The following MTMR11 variants were observed in gnomAD, a reference collection of about 807,000 sequenced individuals.
MTMR11 encodes the protein myotubularin-related protein 11.
A neutral mutation model predicts 100.0 loss-of-function variants in MTMR11; 89 were observed. The observed-to-expected ratio is 0.89, with a 90% CI of 0.75 to 1.06. The LOEUF is 1.06. MTMR11 is among the 50% of genes least tolerant of loss of function. The probability of loss-of-function intolerance (pLI) is 0.00; values close to 1 mark genes in which losing one functional copy is unlikely to be tolerated. For missense variants in MTMR11, 809 were observed against 873.7 expected (o/e 0.93, Z 0.93); for synonymous variants, 336 against 326.3 (o/e 1.03, Z -0.32).
rs782324190 is a variant in MTMR11, at chr1:149,936,155, T to C, written c.141A>G (p.Pro47=). ...TGGAGAGTGATAGGGCATTATTACCTGGGAGGCATCTGGAGGCCAGGCAAC... is the reference window on the plus strand; with the variant it reads ...TGGAGAGTGATAGGGCATTATTACCCGGGAGGCATCTGGAGGCCAGGCAAC... ...PSSCLASRCL[P]GEQILAWAPG... Residue 47 remains proline, a splice_region_variant and synonymous_variant, in exon 2 of 17, where the codon CCA becomes CCG. Coordinates refer to ENST00000439741, the MANE Select transcript of MTMR11 (RefSeq NM_001145862.2). The C allele has an allele frequency of 5.6e-6, 9 of 1,613,650 alleles. No homozygotes were observed. In the South Asian group the frequency reaches 8.8e-5, roughly 16 times the overall value.
intron 5 of MTMR11, 26 bp downstream of exon 5, chr1:149,934,960 A>G: frequency 1.7e-5 from 28 of 1,610,680 alleles, no homozygotes; most frequent in Non-Finnish European, 2.4e-5. Flanking sequence ...AGGTGAGGAG[A>G]AAGCCTCAGG....
intron 2 of MTMR11, 44 bp from the exon 3 acceptor site, chr1:149,935,749 T>C: frequency 1.3e-6 from 2 of 1,533,706 alleles, no homozygotes; most frequent in Non-Finnish European, 1.8e-6. Flanking sequence ...GTTCCCAGTG[T>C]TGCCCACACT....
At chr1:149,933,273 AAAAAG>A (rs1394007557) in intron 10 of MTMR11, 128 bp downstream of exon 10, 54 of 1,321,274 alleles carry the variant, frequency 4.1e-5, no homozygotes, top group African/African-American at 2.7e-4. Flanking sequence ...CGTCTCAAGA[AAAAAG>A]AAAAGAAAAG....
intron 2 of MTMR11, 110 bp downstream of exon 2, chr1:149,936,044 C>T (rs891159437): frequency 1.7e-5 from 20 of 1,202,564 alleles, no homozygotes; most frequent in Admixed American, 1.5e-4. Flanking sequence ...CTCAGGCAGA[C>T]GTACTTCGAG....
chr1:149,931,475 T>A (rs200897487), intron 12 of MTMR11, 49 bp from the exon 13 acceptor site: 1 of 1,502,038 alleles, frequency 6.7e-7, no homozygotes, highest in East Asian at 2.3e-5. Flanking sequence ...TCCAAGAAAC[T>A]AGGGCAGAAG....
At chr1:149,935,479 T>C (rs908415362) in intron 3 of MTMR11, 105 bp downstream of exon 3, 27 of 1,574,742 alleles carry the variant, frequency 1.7e-5, no homozygotes, top group Middle Eastern at 1.7e-4. Context: ...TTATCAATGA[T>C]ACATTCAAAA....
Position 149,933,936 on chromosome 1 carries a change from G to A in MTMR11, c.690C>T (p.Pro230=), listed in dbSNP as rs1553768321. ...TTCGGTTAGGGACCCAGAAGTAACG[G>A]GGGAGGCTGTGAAATGAGAGTGATA... ...NERFDVATSL[P]RYFWVPNRIL... is the part of the protein sequence containing the mutation. Residue 230 remains proline, a synonymous_variant, in exon 8 of 17, where the codon CCC becomes CCT. Transcript: ENST00000439741. The A allele has an allele frequency of 6.2e-7, 1 of 1,613,928 alleles. No homozygotes were observed. The highest frequency in any genetic ancestry group is 1.3e-5 in the African/African-American group (1 of 75,050).
intron 12 of MTMR11, 44 bp from the exon 13 acceptor site, chr1:149,931,470 G>C: frequency 1.3e-6 from 2 of 1,517,784 alleles, no homozygotes; most frequent in Non-Finnish European, 1.8e-6. Flanking sequence ...AGGGGTCCAA[G>C]AAACTAGGGC....
At chr1:149,935,174 C>T in intron 4 of MTMR11, 46 bp from the exon 5 acceptor site, 1 of 1,612,282 alleles carries the variant, frequency 6.2e-7, no homozygotes, top group Non-Finnish European at 8.5e-7. Flanking sequence ...ACCAGAGTCT[C>T]TCCAGAAGGG....
chr1:149,931,108 G>T (rs2092654374), intron 13 of MTMR11, 143 bp from the exon 14 acceptor site: 2 of 1,335,574 alleles, frequency 1.5e-6, no homozygotes, highest in African/African-American at 1.5e-5. Context: ...GGTAGCAGGG[G>T]CTTGTAAGGC....
In MTMR11 at chr1:149,935,594, T is replaced by C. The variant is rs782214890; in HGVS notation, c.254A>G (p.Gln85Arg). ...FRVTFQPCGW[Q>R]WNQDTPLNSE... is the part of the protein sequence containing the mutation. ...CCCCAACCATCTCACCTGATTCCAC[T>C]GCCATCCACAGGGCTGGAAGGTGAC... The change falls in exon 3 of 17, where the codon CAG (glutamine) becomes CGG (arginine). Residue 85 changes from glutamine to arginine, a missense_variant. Physicochemically the swap from Gln to Arg is conservative, Grantham distance 43 (BLOSUM62 1). Transcript: ENST00000439741. 23 of 1,613,820 alleles carry C rather than the reference T, an allele frequency of 1.4e-5. No individual in the cohort carries two copies. The highest frequency in any genetic ancestry group is 5.0e-5 in the Admixed American group (3 of 59,994).
chr1:149,936,002 A>G, intron 2 of MTMR11, 152 bp downstream of exon 2: 1 of 889,844 alleles, frequency 1.1e-6, no homozygotes, highest in Non-Finnish European at 1.8e-6. Context: ...GCTCTCAGCC[A>G]GCTCTAGAGG....
At chr1:149,931,190 T>A in intron 13 of MTMR11, 70 bp downstream of exon 13, 2 of 1,597,348 alleles carry the variant, frequency 1.3e-6, no homozygotes, top group Non-Finnish European at 1.7e-6. Flanking sequence ...CAATGGATTA[T>A]ACAAAATAAT....
chr1:149,934,289 G>A lies in MTMR11; in HGVS notation c.585C>T (p.Leu195=), dbSNP rs782294000. The change falls in exon 7 of 17, where the codon CTC becomes CTT. Residue 195 remains leucine, a synonymous_variant. Coordinates refer to ENST00000439741, the MANE Select transcript of MTMR11 (RefSeq NM_001145862.2). ...GSGSRKPPIP[L]METAEDWETE... Reference sequence around the variant, plus strand: ...TCTCCCAGTCTTCCGCTGTCTCCATGAGAGGAATTGGTGGTTTTCTGGAGC... The same window carrying A: ...TCTCCCAGTCTTCCGCTGTCTCCATAAGAGGAATTGGTGGTTTTCTGGAGC... 7.4e-6 allele frequency: 12 copies of A among 1,614,238 alleles called. No individual in the cohort carries two copies. Among genetic ancestry groups the A allele is most frequent in the Non-Finnish European group, 9.3e-6 (11 of 1,180,042 alleles).
chr1:149,936,539 T>C (rs1475729878), intron 1 of MTMR11, 43 bp downstream of exon 1: 4 of 1,384,634 alleles, frequency 2.9e-6, no homozygotes, highest in Non-Finnish European at 3.0e-6. Flanking sequence ...CTCATCCCCG[T>C]TCTCACCCTC....
chr1:149,930,853 A>C lies in MTMR11; in HGVS notation c.1403T>G (p.Val468Gly). The change falls in exon 14 of 17, where the codon GTT becomes GGT. Residue 468 changes from valine (V) to glycine (G), a missense_variant. Physicochemically the swap from Val to Gly is moderately radical, Grantham distance 109 (BLOSUM62 -3). Coordinates refer to ENST00000439741, the MANE Select transcript of MTMR11 (RefSeq NM_001145862.2). The stretch of plus-strand genomic sequence containing the variant: ...TCTCAGGAAGGTAAGGGTGTCAGGA[A>C]CCCTGACACTGTCATGAAGAGCAAG... ...FLLALHDSVR[V>G]PDTLTFLRNT... 6.2e-7 allele frequency: 1 copy of C among 1,611,550 alleles called. No homozygotes were observed. Among genetic ancestry groups the C allele is most frequent in the Non-Finnish European group, 8.5e-7 (1 of 1,179,022 alleles).
At chr1:149,936,453 C>T in intron 1 of MTMR11, 129 bp downstream of exon 1, 7 of 1,339,456 alleles carry the variant, frequency 5.2e-6, no homozygotes, top group Non-Finnish European at 7.1e-6. Context: ...GACCAGGCTC[C>T]ATCAGCAGAA....
At position 149,933,409 on chromosome 1, in the gene MTMR11, G is replaced by T; in HGVS notation, c.982C>A (p.Pro328Thr). 3 of 1,614,098 alleles carry T rather than the reference G, an allele frequency of 1.9e-6. No homozygotes were observed. The highest frequency in any genetic ancestry group is 2.5e-6 in the Non-Finnish European group (3 of 1,179,994). ...AGGGGTCAAAGGTTATTCTCACCAG[G>T]CAGGCAGAGGGCCCTCAGCCTCAGG... Reference protein sequence around the residue: ...AHLRLRALCLPDSSVAEDKWL... With the variant: ...AHLRLRALCLTDSSVAEDKWL... The change falls in exon 10 of 17, where the codon CCT becomes ACT. Residue 328 changes from proline (P) to threonine (T), a missense_variant. Transcript: ENST00000439741.
rs782128829 is a variant in MTMR11, at chr1:149,931,422, G to A, written c.1128C>T (p.Arg376=). 3.5e-5 allele frequency: 55 copies of A among 1,593,650 alleles called. No individual in the cohort carries two copies. Among genetic ancestry groups the A allele is most frequent in the East Asian group, 4.5e-5 (2 of 44,322 alleles). ...SRVRSVILQE[R]GDRDLNGLLS... is the part of the protein sequence containing the mutation. The stretch of plus-strand genomic sequence containing the variant: ...GGAGGCCATTGAGATCACGATCACC[G>A]CGCTCTGGGTGATAAAGAGGAAGAA... The change falls in exon 13 of 17, where the codon CGC becomes CGT. Residue 376 remains arginine (R), a synonymous_variant. Coordinates refer to ENST00000439741, the MANE Select transcript of MTMR11 (RefSeq NM_001145862.2).
Sources: gnomAD v4.1 joint callset for allele counts on GRCh38, gnomAD v4.1.1 for gene constraint, MANE v1.5 for transcripts, NCBI Gene and HGNC (gene_info 2026-07-23, HGNC 2026-07-21) for gene names.